Variants in ARHGAP15 observed in about 807,000 individuals in gnomAD.
ARHGAP15 encodes the protein Rho GTPase activating protein 15.
ARHGAP15 carries 51 observed loss-of-function variants against 63.7 expected under a neutral mutation model. That is an observed-to-expected ratio of 0.80 (90% CI 0.64 to 1.01). ARHGAP15 has a LOEUF of 1.01. ARHGAP15 is among the 50% of genes least tolerant of loss of function. The pLI is 0.00. For missense variants in ARHGAP15, 560 were observed against 564.6 expected, an observed-to-expected ratio of 0.99 and a Z score of 0.08; for synonymous variants, 191 against 193.8, an observed-to-expected ratio of 0.99 and a Z score of 0.12.
intron 11 of ARHGAP15, among the ~76,000 whole-genome samples, chr2:143,596,170 A>G (rs538628162): frequency 2.8e-4 from 42 of 152,118 alleles, no homozygotes; most frequent in Non-Finnish European, 5.7e-4. Flanking sequence ...CTAGCTAAGG[A>G]AGAATACTAT....
At chr2:143,218,189 TG>T (rs548446398) in intron 4 of ARHGAP15, among the ~76,000 whole-genome samples, 40 of 152,184 alleles carry the variant, frequency 2.6e-4, no homozygotes, top group Non-Finnish European at 4.7e-4. Flanking sequence ...TATAAACATT[TG>T]TTTGTACTCT....
chr2:143,453,410 T>C (rs1183610235), intron 8 of ARHGAP15, among the ~76,000 whole-genome samples: 1 of 151,914 alleles, frequency 6.6e-6, no homozygotes, highest in African/African-American at 2.4e-5. Flanking sequence ...CCTCACAGAG[T>C]TGATTGGAAG....
chr2:143,316,552 T>A (rs956531457), intron 6 of ARHGAP15, among the ~76,000 whole-genome samples: 1 of 147,032 alleles, frequency 6.8e-6, no homozygotes, highest in African/African-American at 2.5e-5. Flanking sequence ...TTAAAATATA[T>A]GTTATATATT....
rs566344531 is a variant in ARHGAP15 at position 143,156,556 on chromosome 2, CCTAA to C, written c.165+904_165+907del. The stretch of plus-strand genomic sequence containing the variant: ...TAGGGGCCTATGAAATATTCAGCTT[CCTAA>C]CTGAGTTATTAAATGAGATAAACTT... On this transcript the variant is annotated intron_variant, in intron 2 of 13. Transcript: ENST00000295095. 1.5e-3 allele frequency among the ~76,000 whole-genome samples: 230 copies of C among 151,954 alleles called. 1 individual carries two copies. In the Middle Eastern group the frequency reaches 0.02, roughly 13 times the overall value.
chr2:143,764,018 C>A (rs1686866042), intron 13 of ARHGAP15, among the ~76,000 whole-genome samples: 1 of 151,404 alleles, frequency 6.6e-6, no homozygotes, highest in African/African-American at 2.4e-5. Context: ...AACAGGAATA[C>A]AAAACTATGT....
At chr2:143,437,192 G>A in intron 8 of ARHGAP15, 150 bp downstream of exon 8, 1 of 784,200 alleles carries the variant, frequency 1.3e-6, no homozygotes, top group South Asian at 1.9e-5. Context: ...TGCACTGGAG[G>A]GCAGTCTGGG....
At chr2:143,317,846 A>AG (rs1683792450) in intron 6 of ARHGAP15, among the ~76,000 whole-genome samples, 1 of 152,160 alleles carries the variant, frequency 6.6e-6, no homozygotes, top group African/African-American at 2.4e-5. Context: ...CCTGGGTGAA[A>AG]GTGTAGTATT....
chr2:143,155,383 T>C, intron 1 of ARHGAP15, 94 bp from the exon 2 acceptor site: 1 of 1,186,666 alleles, frequency 8.4e-7, no homozygotes. Context: ...TTATCAACTT[T>C]TAATATCCTA....
chr2:143,654,000 T>C (rs1240505331), intron 12 of ARHGAP15, among the ~76,000 whole-genome samples: 1 of 152,172 alleles, frequency 6.6e-6, no homozygotes, highest in Non-Finnish European at 1.5e-5. Flanking sequence ...TTTGAAATAT[T>C]ACGTGTATAT....
intron 12 of ARHGAP15, among the ~76,000 whole-genome samples, chr2:143,650,409 T>C (rs1681101780): frequency 1.3e-5 from 2 of 152,042 alleles, no homozygotes; most frequent in South Asian, 4.1e-4. Context: ...TTCTTTAAAA[T>C]GGGATTATTG....
intron 6 of ARHGAP15, among the ~76,000 whole-genome samples, chr2:143,422,588 A>G (rs537844213): frequency 6.6e-6 from 1 of 152,294 alleles, no homozygotes; most frequent in South Asian, 2.1e-4. Context: ...TTTAAAGACC[A>G]TTGGATGATT....
Position 143,693,890 on chromosome 2 carries a change from T to A in ARHGAP15, c.1139-9529T>A, listed in dbSNP as rs529530954. On this transcript the variant is annotated intron_variant, in intron 12 of 13. Coordinates refer to ENST00000295095, the MANE Select transcript of ARHGAP15 (RefSeq NM_018460.4). The stretch of plus-strand genomic sequence containing the variant: ...TAAGGATTTCAGGCTTGGAATGAGC[T>A]GTTTTGAGTATTTCAAATCAAGCAT... Among the ~76,000 whole-genome samples, 24 of 152,360 alleles carry A rather than the reference T, an allele frequency of 1.6e-4. No individual in the cohort carries two copies. The East Asian group carries it at 1.7e-3, about 11-fold the overall frequency.
intron 6 of ARHGAP15, among the ~76,000 whole-genome samples, chr2:143,368,284 C>T (rs10208099): frequency 1.3e-5 from 2 of 151,670 alleles, no homozygotes; most frequent in African/African-American, 2.4e-5. Flanking sequence ...GCGTCTTAGA[C>T]GACTTTCTAG....
intron 6 of ARHGAP15, among the ~76,000 whole-genome samples, chr2:143,352,783 T>C (rs1407248443): frequency 1.3e-5 from 2 of 152,240 alleles, no homozygotes; most frequent in African/African-American, 4.8e-5. Context: ...ATGAAAGGCA[T>C]AGGCAGATTA....
intron 13 of ARHGAP15, 119 bp downstream of exon 13, chr2:143,703,643 T>A: frequency 2.8e-6 from 2 of 708,748 alleles, no homozygotes; most frequent in Non-Finnish European, 4.5e-6. Context: ...TTTTCCCTTG[T>A]AGCTGAACTA....
At chr2:143,280,075 C>T (rs1165583831) in intron 6 of ARHGAP15, among the ~76,000 whole-genome samples, 3 of 152,176 alleles carry the variant, frequency 2.0e-5, no homozygotes, top group Non-Finnish European at 2.9e-5. Flanking sequence ...TGAATTCAAC[C>T]TATAATTCTT....
intron 8 of ARHGAP15, among the ~76,000 whole-genome samples, chr2:143,483,042 A>C (rs185096606): frequency 9.8e-4 from 149 of 152,324 alleles, no homozygotes; most frequent in African/African-American, 3.5e-3. Flanking sequence ...TACGTTAAAA[A>C]CTGTCTAATC....
At chr2:143,189,223 C>T (rs1691576623) in intron 2 of ARHGAP15, among the ~76,000 whole-genome samples, 1 of 152,026 alleles carries the variant, frequency 6.6e-6, no homozygotes, top group Non-Finnish European at 1.5e-5. Context: ...GTGATTGTTC[C>T]CCCTTCCTCT....
At chr2:143,610,985 T>C (rs558246299) in intron 11 of ARHGAP15, among the ~76,000 whole-genome samples, 52 of 152,252 alleles carry the variant, frequency 3.4e-4, no homozygotes, top group African/African-American at 1.2e-3. Flanking sequence ...CACCTTGGCC[T>C]CCCAAAGTTC....
Sources: gnomAD v4.1 joint callset for allele counts (sites outside exome capture counted in the v4.1 genomes callset) on GRCh38, gnomAD v4.1.1 for gene constraint, MANE v1.5 for transcripts, NCBI Gene and HGNC (gene_info 2026-07-23, HGNC 2026-07-21) for gene names.